COL5A3: variants seen among roughly 807,000 people sequenced by gnomAD.
The protein encoded by COL5A3 is collagen type V alpha 3 chain.
In COL5A3, 172 loss-of-function variants were observed where a neutral mutation model predicts 250.0. That is an observed-to-expected ratio of 0.69 (90% CI 0.61 to 0.78). COL5A3 has a LOEUF of 0.78. COL5A3 is among the 30% of genes least tolerant of loss of function. COL5A3 has a pLI of 0.00. For synonymous variants in COL5A3, 937 were observed against 900.4 expected, an observed-to-expected ratio of 1.04 and a Z score of -0.73; for missense variants, 2,340 against 2,334.4, an observed-to-expected ratio of 1.00 and a Z score of -0.05.
Position 10,001,595 on chromosome 19 carries a change from C to T in COL5A3, c.1039G>A (p.Asp347Asn), listed in dbSNP as rs1599227728. Residue 347 changes from aspartate (D) to asparagine (N), a missense_variant, in exon 8 of 67, where the codon GAT becomes AAT. Asp to Asn is a conservative substitution (Grantham distance 23, BLOSUM62 1). This residue lies in a region of COL5A3 where 1,152 missense variants were observed against 1,146.3 expected (regional missense o/e 1.00). Transcript: ENST00000264828. ...AAGTCAGGGCCCATGGTGGAATCAT[C>T]TCCTTCTTCATCCTCCCTGGCTGCC... Reference protein sequence around the residue: ...TKAAREDEEGDDSTMGPDFRA... With the variant: ...TKAAREDEEGNDSTMGPDFRA... 5 of 1,614,126 alleles carry T rather than the reference C, an allele frequency of 3.1e-6. 1 individual carries two copies. The Admixed American group carries it at 8.3e-5, about 27-fold the overall frequency.
Position 9,974,359 on chromosome 19 carries a change from TGCCCAAAGAGGCCTGGGGGTCCCC to T in COL5A3, c.3368_3391del (p.Arg1123_Gly1130del). ...GCCTCTGACTCCGTCATCTCCTTTC[TGCCCAAAGAGGCCTGGGGGTCCCC>T]GGCGCCCCTGAGCCCCGTCTGCTCC... On this transcript the variant is annotated inframe_deletion, in exon 46 of 67. Transcript: ENST00000264828. 6.2e-7 allele frequency: 1 copy of T among 1,612,684 alleles called. No homozygotes were observed. Among genetic ancestry groups the T allele is most frequent in the Non-Finnish European group, 8.5e-7 (1 of 1,179,410 alleles).
rs368683838 is a variant in COL5A3 at position 9,979,099 on chromosome 19, T to C, written c.2874+33A>G. The stretch of plus-strand genomic sequence containing the variant: ...CTGAGTCCTTGGTTGATCTTGGATG[T>C]TCAACCAAGATCTCCAGTGGACAGT... On this transcript the variant is annotated intron_variant, in intron 39 of 66. Coordinates refer to ENST00000264828, the MANE Select transcript of COL5A3 (RefSeq NM_015719.4). 13 of 1,500,598 alleles carry C rather than the reference T, an allele frequency of 8.7e-6. 2 individuals carry two copies. In the Middle Eastern group the frequency reaches 1.7e-3, roughly 195 times the overall value. The allele number at this position is 1,500,598 out of a possible 1,614,324, so 93.0% of individuals were successfully genotyped here.
rs768440583 is a variant in COL5A3 at position 10,001,572 on chromosome 19, G to A, written c.1062C>T (p.Asp354=). 69 of 1,614,004 alleles carry A rather than the reference G, an allele frequency of 4.3e-5. No homozygotes were observed. Among genetic ancestry groups the A allele is most frequent in the Non-Finnish European group, 5.7e-5 (67 of 1,180,018 alleles). ...GAGATGGATATTCTGCTGCCCGGAA[G>A]TCAGGGCCCATGGTGGAATCATCTC... ...EEGDDSTMGP[D]FRAAEYPSRT... is the part of the protein sequence containing the mutation. Residue 354 remains aspartate, a synonymous_variant, in exon 8 of 67, where the codon GAC becomes GAT. Coordinates refer to ENST00000264828, the MANE Select transcript of COL5A3 (RefSeq NM_015719.4).
At chr19:9,976,723 A>C in intron 44 of COL5A3, 112 bp from the exon 45 acceptor site, 2 of 774,806 alleles carry the variant, frequency 2.6e-6, no homozygotes, top group Non-Finnish European at 4.1e-6. Context: ...AACTTCCCCT[A>C]CCAGGCAGCA....
intron 64 of COL5A3, among the ~76,000 whole-genome samples, chr19:9,963,392 T>C (rs962483776): frequency 6.6e-6 from 1 of 151,300 alleles, no homozygotes; most frequent in African/African-American, 2.4e-5. Flanking sequence ...CCAGCTTTTT[T>C]AAATTTTTAT....
intron 10 of COL5A3, 108 bp from the exon 11 acceptor site, chr19:9,997,541 C>T (rs1430937560): frequency 1.5e-6 from 1 of 668,498 alleles, no homozygotes; most frequent in African/African-American, 1.8e-5. Context: ...TACCCCACTA[C>T]AGAGCCACTC....
In COL5A3 at chr19:10,005,683, C is replaced by T; in HGVS notation, c.469G>A (p.Glu157Lys). ...WHRVAVSIDGEMVTLVADCEA... is the reference protein window; with the variant it reads ...WHRVAVSIDGKMVTLVADCEA... ...CAGTCAGCTACCAGGGTCACCATCT[C>T]ACCATCTATGCTGACGGCCACACGG... is the stretch of plus-strand genomic sequence containing the variant. Residue 157 changes from glutamate (E) to lysine (K), a missense_variant, in exon 4 of 67, where the codon GAG (glutamate) becomes AAG (lysine). Coordinates refer to ENST00000264828, the MANE Select transcript of COL5A3 (RefSeq NM_015719.4). 3 of 1,613,306 alleles carry T rather than the reference C, an allele frequency of 1.9e-6. No individual in the cohort carries two copies. The highest frequency in any genetic ancestry group is 2.5e-6 in the Non-Finnish European group (3 of 1,179,478).
intron 27 of COL5A3, among the ~76,000 whole-genome samples, chr19:9,988,510 C>A (rs965812174): frequency 1.3e-5 from 2 of 152,072 alleles, no homozygotes; most frequent in Admixed American, 1.3e-4. Context: ...GCATACTGTG[C>A]TTATGTGATT....
At chr19:9,973,644 G>A (rs1239742055) in intron 49 of COL5A3, 21 bp from the exon 50 acceptor site, 2 of 1,611,972 alleles carry the variant, frequency 1.2e-6, no homozygotes, top group Non-Finnish European at 8.5e-7. Context: ...CAAAGTGAGA[G>A]TGGGGAGAGG....
At chr19:9,974,545 G>A (rs2086894669) in intron 45 of COL5A3, 137 bp from the exon 46 acceptor site, 1 of 606,832 alleles carries the variant, frequency 1.6e-6, no homozygotes, top group African/African-American at 1.9e-5. Flanking sequence ...TGTTGAGTTG[G>A]AGTTGGGGTC....
At position 9,970,967 on chromosome 19, in the gene COL5A3, C is replaced by G. The variant is rs2086837192; in HGVS notation, c.3882+8G>C. On this transcript the variant is annotated splice_region_variant and intron_variant, in intron 53 of 66. Transcript: ENST00000264828. ...CCTCAGCACCACACCCTCTGTTTTC[C>G]CACTCACCGGTCCCCCAACATCACC... The G allele has an allele frequency of 6.4e-7, 1 of 1,566,850 alleles. No homozygotes were observed. The highest frequency in any genetic ancestry group is 8.6e-7 in the Non-Finnish European group (1 of 1,160,162).
chr19:9,965,405 C>T (rs530428572), intron 64 of COL5A3, among the ~76,000 whole-genome samples: 2 of 151,466 alleles, frequency 1.3e-5, no homozygotes, highest in East Asian at 3.9e-4. Flanking sequence ...ATCCACCCGC[C>T]TCGGCCTCCC....
intron 24 of COL5A3, among the ~76,000 whole-genome samples, chr19:9,990,447 T>G (rs934127713): frequency 6.8e-6 from 1 of 148,076 alleles, no homozygotes; most frequent in African/African-American, 2.5e-5. Flanking sequence ...ACACAAAGAA[T>G]AAATACTTGA....
chr19:9,989,065 C>T (rs770414463), intron 27 of COL5A3, 59 bp downstream of exon 27: 2 of 1,545,670 alleles, frequency 1.3e-6, no homozygotes, highest in Admixed American at 1.7e-5. Context: ...GATGGAGCTG[C>T]ATCGCATGCC....
At chr19:9,973,859 T>A in intron 48 of COL5A3, 50 bp from the exon 49 acceptor site, 1 of 1,608,550 alleles carries the variant, frequency 6.2e-7, no homozygotes, top group South Asian at 1.1e-5. Flanking sequence ...CCCAACATCC[T>A]CTTCTTAGGA....
Position 9,979,140 on chromosome 19 carries a change from C to T in COL5A3, c.2866G>A (p.Gly956Arg), listed in dbSNP as rs1332234318. The T allele has an allele frequency of 6.3e-7, 1 of 1,584,188 alleles. No homozygotes were observed. Among genetic ancestry groups the T allele is most frequent in the Admixed American group, 2.0e-5 (1 of 50,810 alleles). Residue 956 changes from glycine to arginine, a missense_variant, in exon 39 of 67, where the codon GGG becomes AGG. Physicochemically the swap from Gly to Arg is moderately radical, Grantham distance 125 (BLOSUM62 -2). This residue lies in a region of COL5A3 where 1,179 missense variants were observed against 1,162.6 expected (regional missense o/e 1.01). Coordinates refer to ENST00000264828, the MANE Select transcript of COL5A3 (RefSeq NM_015719.4). Reference sequence around the variant, plus strand: ...AGTGGACAGTGTCTCACCTTGGCCCCCTCTCTGCCTTCCAGGCCAGGAAGA... The same window carrying T: ...AGTGGACAGTGTCTCACCTTGGCCCTCTCTCTGCCTTCCAGGCCAGGAAGA... Reference protein sequence around the residue: ...QGLPGLEGREGAKGELGPPGP... With the variant: ...QGLPGLEGRERAKGELGPPGP...
chr19:9,984,942 A>ATTTTTTTTTTTTTTTTT lies in COL5A3; in HGVS notation c.2406+883_2406+899dup, dbSNP rs71188874. On this transcript the variant is annotated intron_variant, in intron 31 of 66. Transcript: ENST00000264828. ...AAGTAGCTGGGACCACATCTGGCTAATTTTTTTTTTTTTTTTTTTTTTTTT... is the reference window on the plus strand; with the variant it reads ...AAGTAGCTGGGACCACATCTGGCTAATTTTTTTTTTTTTTTTTTTTTTTTTTTTTTTTTTTTTTTTTT... 1.3e-4 allele frequency among the ~76,000 whole-genome samples: 11 copies of ATTTTTTTTTTTTTTTTT among 83,006 alleles called. 1 individual carries two copies. The highest frequency in any genetic ancestry group is 5.4e-4 in the African/African-American group (11 of 20,302). 54.5% of individuals were successfully genotyped at this position (83,006 alleles called of 152,430 possible). A position where few individuals can be genotyped will look rare whatever the true frequency, so the allele number is the denominator to read the frequency against.
chr19:10,008,574 C>A (rs1455594726), intron 1 of COL5A3, among the ~76,000 whole-genome samples: 1 of 152,074 alleles, frequency 6.6e-6, no homozygotes, highest in African/African-American at 2.4e-5. Context: ...CAGGGCATGG[C>A]TGGGAACCCC....
At chr19:10,000,586 C>T (rs2087345880) in intron 8 of COL5A3, among the ~76,000 whole-genome samples, 2 of 151,404 alleles carry the variant, frequency 1.3e-5, no homozygotes, top group African/African-American at 2.4e-5. Context: ...CCGTGAGCCA[C>T]TGCCCCCGGC....
Sources: gnomAD v4.1 joint callset for allele counts (sites outside exome capture counted in the v4.1 genomes callset) on GRCh38, gnomAD v4.1.1 for gene constraint, gnomAD v4.1.1 regional missense constraint, MANE v1.5 for transcripts, NCBI Gene and HGNC (gene_info 2026-07-23, HGNC 2026-07-21) for gene names.